Variants in MSH4 observed in about 807,000 individuals in gnomAD.
The protein encoded by MSH4 is mutS protein homolog 4.
MSH4 carries 106 observed loss-of-function variants against 113.7 expected under a neutral mutation model. That is an observed-to-expected ratio of 0.93 (90% CI 0.80 to 1.10). The LOEUF is 1.10. Ranked by LOEUF, MSH4 falls within the 50% of genes least tolerant of loss-of-function variation. The probability of loss-of-function intolerance (pLI) is 0.00; values close to 1 mark genes in which losing one functional copy is unlikely to be tolerated. For missense variants in MSH4, 1,061 were observed against 1,093.7 expected (o/e 0.97, Z 0.42); for synonymous variants, 368 against 380.2 (o/e 0.97, Z 0.37).
intron 7 of MSH4, among the ~76,000 whole-genome samples, chr1:75,822,905 G>C (rs5745383): frequency 0.28 from 41,924 of 151,856 alleles, 6,065 homozygotes; most frequent in Middle Eastern, 0.37. Context: ...GATTTGTTCA[G>C]ACTACGTAAT....
chr1:75,822,924 G>C (rs1359609704), intron 7 of MSH4, among the ~76,000 whole-genome samples: 1 of 152,084 alleles, frequency 6.6e-6, no homozygotes, highest in East Asian at 1.9e-4. Context: ...ATTATCAACG[G>C]ATAGGATATA....
chr1:75,890,059 A>C (rs1306477325), intron 16 of MSH4, among the ~76,000 whole-genome samples: 4 of 152,074 alleles, frequency 2.6e-5, no homozygotes, highest in African/African-American at 9.7e-5. Context: ...CAAAAAGCTT[A>C]GTCTCATAGA....
At chr1:75,881,485 G>T in intron 14 of MSH4, 115 bp downstream of exon 14, 1 of 1,088,236 alleles carries the variant, frequency 9.2e-7, no homozygotes. Flanking sequence ...AGAGTCTCTT[G>T]CCTCTGGTCC....
At chr1:75,898,392 G>GA (rs1475753848) in intron 18 of MSH4, among the ~76,000 whole-genome samples, 2 of 151,950 alleles carry the variant, frequency 1.3e-5, no homozygotes, top group East Asian at 3.8e-4. Flanking sequence ...ATAATGAATT[G>GA]AAAATTATAT....
intron 17 of MSH4, among the ~76,000 whole-genome samples, chr1:75,894,071 T>C (rs548853045): frequency 1.3e-5 from 2 of 152,174 alleles, no homozygotes; most frequent in East Asian, 3.9e-4. Context: ...AGAAATAAAT[T>C]TGTGAGAGGA....
At chr1:75,844,856 T>C (rs891466702) in intron 7 of MSH4, among the ~76,000 whole-genome samples, 1 of 152,218 alleles carries the variant, frequency 6.6e-6, no homozygotes, top group African/African-American at 2.4e-5. Flanking sequence ...AGAACAGTGA[T>C]TTATTTCTTA....
chr1:75,824,306 C>T (rs554375464), intron 7 of MSH4, among the ~76,000 whole-genome samples: 25 of 152,272 alleles, frequency 1.6e-4, no homozygotes, highest in African/African-American at 5.3e-4. Context: ...ATCCTCTGCC[C>T]ACTTTTTGAT....
In MSH4 at chr1:75,883,687, C is replaced by G. The variant is rs1184825675; in HGVS notation, c.1973C>G (p.Ser658Cys). ...TGGCATCCTATTCTTGAAAAAATATCTGCGGAAAAACCTATTGCCAACAAT... is the reference window on the plus strand; with the variant it reads ...TGGCATCCTATTCTTGAAAAAATATGTGCGGAAAAACCTATTGCCAACAAT... ...QGWHPILEKI[S>C]AEKPIANNTY... is the part of the protein sequence containing the mutation. Residue 658 changes from serine to cysteine, a missense_variant, in exon 15 of 20, where the codon TCT becomes TGT. By Grantham distance (112) the Ser-to-Cys change is moderately radical. Coordinates refer to ENST00000263187, the MANE Select transcript of MSH4 (RefSeq NM_002440.4). 4 of 1,613,116 alleles carry G rather than the reference C, an allele frequency of 2.5e-6. No homozygotes were observed. The highest frequency in any genetic ancestry group is 2.5e-6 in the Non-Finnish European group (3 of 1,179,604).
At chr1:75,848,854 C>A (rs1368361954) in intron 8 of MSH4, among the ~76,000 whole-genome samples, 1 of 151,864 alleles carries the variant, frequency 6.6e-6, no homozygotes, top group Admixed American at 6.6e-5. Context: ...TGCCTAATAA[C>A]TAACTAACTA....
At chr1:75,903,465 G>A (rs1253775279) in intron 19 of MSH4, among the ~76,000 whole-genome samples, 1 of 151,930 alleles carries the variant, frequency 6.6e-6, no homozygotes, top group Non-Finnish European at 1.5e-5. Context: ...ATAGCATGAT[G>A]TTTCTAGGTT....
At chr1:75,867,661 A>G (rs768889347) in intron 9 of MSH4, 73 bp downstream of exon 9, 9 of 988,098 alleles carry the variant, frequency 9.1e-6, no homozygotes, top group Non-Finnish European at 1.4e-5. Flanking sequence ...AAAAAATTTC[A>G]AACTCGGAAA....
At chr1:75,888,292 C>T (rs1315772823) in intron 15 of MSH4, among the ~76,000 whole-genome samples, 3 of 151,470 alleles carry the variant, frequency 2.0e-5, no homozygotes, top group Non-Finnish European at 4.4e-5. Context: ...GTTTCCCTTT[C>T]AACTATTTGT....
At chr1:75,907,685 T>TCTCTCTCTCTCTCTAC (rs879308615) in intron 19 of MSH4, among the ~76,000 whole-genome samples, 1 of 60,906 alleles carries the variant, frequency 1.6e-5, no homozygotes, top group African/African-American at 7.9e-5. Context: ...TCTCTCTCTC[T>TCTCTCTCTCTCTCTAC]ATACATATAT....
intron 1 of MSH4, among the ~76,000 whole-genome samples, chr1:75,802,019 A>T (rs1336563161): frequency 6.6e-6 from 1 of 151,684 alleles, no homozygotes; most frequent in African/African-American, 2.4e-5. Context: ...AATACAAAAA[A>T]TTAGCCTGGC....
chr1:75,894,005 A>G (rs1257810546), intron 17 of MSH4, among the ~76,000 whole-genome samples: 1 of 152,174 alleles, frequency 6.6e-6, no homozygotes, highest in African/African-American at 2.4e-5. Flanking sequence ...TTGTCATTTA[A>G]GATCACTTAC....
chr1:75,888,360 T>A (rs938756907), intron 15 of MSH4, among the ~76,000 whole-genome samples: 4 of 152,052 alleles, frequency 2.6e-5, no homozygotes, highest in African/African-American at 7.2e-5. Context: ...ATATTGAGAC[T>A]GGTGCATTAA....
intron 7 of MSH4, among the ~76,000 whole-genome samples, chr1:75,841,801 G>C (rs1486505576): frequency 2.0e-5 from 3 of 152,128 alleles, no homozygotes; most frequent in Non-Finnish European, 2.9e-5. Context: ...AAGGGAGTCT[G>C]ACTAATAGAA....
rs749430622 is a variant in MSH4, at chr1:75,898,048, C to A, written c.2497C>A (p.Leu833Ile). The change falls in exon 18 of 20, where the codon CTT becomes ATT. Residue 833 changes from leucine (L) to isoleucine (I), a missense_variant. Transcript: ENST00000263187. ...NKEAILYTYKLSKGLTEEKNY... is the reference protein window; with the variant it reads ...NKEAILYTYKISKGLTEEKNY... ...AGAAGCAATTTTGTATACCTACAAA[C>A]TTTCTAAGGGACTCACAGAAGAGAA... is the stretch of plus-strand genomic sequence containing the variant. 1 of 1,595,286 alleles carries A rather than the reference C, an allele frequency of 6.3e-7. No homozygotes were observed. The highest frequency in any genetic ancestry group is 1.7e-5 in the Admixed American group (1 of 57,686).
intron 3 of MSH4, among the ~76,000 whole-genome samples, chr1:75,808,234 T>C (rs1215428735): frequency 6.6e-6 from 1 of 152,202 alleles, no homozygotes; most frequent in Non-Finnish European, 1.5e-5. Flanking sequence ...TGAAGCTTGG[T>C]GCAGACAATT....
Sources: gnomAD v4.1 joint callset for allele counts (sites outside exome capture counted in the v4.1 genomes callset) on GRCh38, gnomAD v4.1.1 for gene constraint, MANE v1.5 for transcripts, NCBI Gene and HGNC (gene_info 2026-07-23, HGNC 2026-07-21) for gene names.